HSD17B4: variants seen among roughly 807,000 people sequenced by gnomAD.
HSD17B4 encodes hydroxysteroid 17-beta dehydrogenase 4.
HSD17B4 carries 70 observed loss-of-function variants against 101.0 expected under a neutral mutation model. The observed-to-expected ratio is 0.69, with a 90% CI of 0.57 to 0.85. The LOEUF is 0.85. HSD17B4 is among the 40% of genes least tolerant of loss of function. HSD17B4 has a pLI of 0.00. For synonymous variants in HSD17B4, 347 were observed against 297.1 expected, an observed-to-expected ratio of 1.17 and a Z score of -1.73; for missense variants, 984 against 892.4, an observed-to-expected ratio of 1.10 and a Z score of -1.31.
intron 17 of HSD17B4, among the ~76,000 whole-genome samples, chr5:119,523,755 G>A (rs893742387): frequency 6.6e-6 from 1 of 152,068 alleles, no homozygotes; most frequent in South Asian, 2.1e-4. Context: ...ATTTATTGAG[G>A]TATTATTTAT....
At chr5:119,523,092 T>C (rs1753258370) in intron 17 of HSD17B4, among the ~76,000 whole-genome samples, 1 of 152,308 alleles carries the variant, frequency 6.6e-6, no homozygotes, top group South Asian at 2.1e-4. Context: ...CTAGTTACAC[T>C]GTAGGCTTGA....
At chr5:119,539,820 T>A (rs947609537) in intron 23 of HSD17B4, among the ~76,000 whole-genome samples, 3 of 151,380 alleles carry the variant, frequency 2.0e-5, no homozygotes, top group Non-Finnish European at 4.4e-5. Flanking sequence ...CCAGGGACAA[T>A]GTCTCGTGCC....
At chr5:119,525,508 C>T (rs376666688) in intron 18 of HSD17B4, among the ~76,000 whole-genome samples, 58 of 152,072 alleles carry the variant, frequency 3.8e-4, no homozygotes, top group Middle Eastern at 3.4e-3. Flanking sequence ...CCCGCTAGTG[C>T]GAGGTCTAGG....
chr5:119,462,164 A>C (rs926682961), intron 2 of HSD17B4, among the ~76,000 whole-genome samples: 26 of 148,102 alleles, frequency 1.8e-4, no homozygotes, highest in Non-Finnish European at 4.4e-5. Flanking sequence ...TCATAGTCTT[A>C]CCATTTTTTG....
chr5:119,471,173 T>A (rs1012039777), intron 2 of HSD17B4, among the ~76,000 whole-genome samples: 1 of 152,250 alleles, frequency 6.6e-6, no homozygotes, highest in African/African-American at 2.4e-5. Context: ...TTGATTTTTT[T>A]AACTGGTTGT....
intron 3 of HSD17B4, 63 bp downstream of exon 3, chr5:119,474,078 A>G (rs1339018759): frequency 2.2e-6 from 2 of 924,948 alleles, no homozygotes; most frequent in Middle Eastern, 2.2e-4. Context: ...TGTCACATTA[A>G]TAATCTTTGA....
At chr5:119,529,822 G>A (rs1753900753) in intron 20 of HSD17B4, 72 bp from the exon 21 acceptor site, 2 of 883,280 alleles carry the variant, frequency 2.3e-6, no homozygotes, top group Admixed American at 3.5e-5. Context: ...TTTAAACTTT[G>A]TACTGTTTCA....
At chr5:119,477,537 ATGT>A (rs1561443947) in intron 7 of HSD17B4, 36 bp downstream of exon 7, 6 of 1,400,470 alleles carry the variant, frequency 4.3e-6, no homozygotes, top group East Asian at 2.3e-5. Flanking sequence ...GGGATTTAAG[ATGT>A]TGTGTCTGGG....
chr5:119,531,260 T>C lies in HSD17B4; in HGVS notation c.1855-6T>C, dbSNP rs748702095. ...CTTTTAAAGTTTATTTTGTTGTCGT[T>C]GTTAGGGCGGGAAGCTTCAGAGTAC... On this transcript the variant is annotated splice_region_variant and splice_polypyrimidine_tract_variant and intron_variant, in intron 21 of 23. Coordinates refer to ENST00000510025, the MANE Select transcript of HSD17B4 (RefSeq NM_000414.4). 44 of 1,613,336 alleles carry C rather than the reference T, an allele frequency of 2.7e-5. No individual in the cohort carries two copies. The highest frequency in any genetic ancestry group is 3.6e-5 in the Non-Finnish European group (42 of 1,179,550).
intron 17 of HSD17B4, among the ~76,000 whole-genome samples, chr5:119,516,480 G>C (rs1305531512): frequency 6.6e-6 from 1 of 151,728 alleles, no homozygotes; most frequent in Non-Finnish European, 1.5e-5. Flanking sequence ...AAAACTTTTT[G>C]TTAGTTTTAA....
At chr5:119,465,884 G>C (rs1377363337) in intron 2 of HSD17B4, among the ~76,000 whole-genome samples, 1 of 152,184 alleles carries the variant, frequency 6.6e-6, no homozygotes, top group Non-Finnish European at 1.5e-5. Flanking sequence ...GTGAAAGTGG[G>C]CATTTTTATT....
intron 14 of HSD17B4, among the ~76,000 whole-genome samples, chr5:119,506,323 A>G (rs1751649890): frequency 6.6e-6 from 1 of 152,210 alleles, no homozygotes; most frequent in Non-Finnish European, 1.5e-5. Context: ...AGCTTCATCC[A>G]TGTCCCTGCA....
chr5:119,457,449 C>G (rs909191815), intron 2 of HSD17B4, among the ~76,000 whole-genome samples: 2 of 152,216 alleles, frequency 1.3e-5, no homozygotes, highest in African/African-American at 2.4e-5. Flanking sequence ...GGATGTGTAG[C>G]TTATCTTTAT....
chr5:119,491,991 C>G, intron 9 of HSD17B4, 109 bp from the exon 10 acceptor site: 1 of 847,748 alleles, frequency 1.2e-6, no homozygotes, highest in Non-Finnish European at 2.1e-6. Context: ...TCTCCTGTTG[C>G]CTTGAATTCT....
chr5:119,488,783 C>T (rs1749832361), intron 8 of HSD17B4, among the ~76,000 whole-genome samples: 1 of 152,126 alleles, frequency 6.6e-6, no homozygotes, highest in African/African-American at 2.4e-5. Flanking sequence ...TTATTTGCCA[C>T]TGTAATGGTC....
chr5:119,457,149 C>G (rs1167122810), intron 2 of HSD17B4, among the ~76,000 whole-genome samples: 2 of 152,146 alleles, frequency 1.3e-5, no homozygotes, highest in African/African-American at 2.4e-5. Context: ...GGTGTGGACA[C>G]AGAAACGAAT....
intron 12 of HSD17B4, among the ~76,000 whole-genome samples, chr5:119,497,208 T>C (rs995562952): frequency 7.3e-5 from 7 of 95,454 alleles, no homozygotes; most frequent in Non-Finnish European, 1.3e-4. Flanking sequence ...GTAGGCTCCA[T>C]TGGGGGGTGT....
At chr5:119,506,263 GTTGT>G (rs1362170312) in intron 14 of HSD17B4, among the ~76,000 whole-genome samples, 2 of 152,004 alleles carry the variant, frequency 1.3e-5, no homozygotes, top group African/African-American at 2.4e-5. Flanking sequence ...GAGAACGTGC[GTTGT>G]TTGATTTTCT....
chr5:119,456,512 G>T (rs1754683627), intron 2 of HSD17B4, 144 bp downstream of exon 2: 4 of 662,512 alleles, frequency 6.0e-6, no homozygotes, highest in Non-Finnish European at 1.1e-5. Context: ...TTTTTACCCC[G>T]ACTAAGGCTG....
Sources: allele counts gnomAD v4.1 joint callset (sites outside exome capture counted in the v4.1 genomes callset), GRCh38; gene constraint gnomAD v4.1.1; transcripts MANE v1.5; gene names NCBI Gene and HGNC (gene_info 2026-07-23, HGNC 2026-07-21).